The following CIB1 variants were observed in gnomAD, a reference collection of about 807,000 sequenced individuals.
CIB1 encodes calcium and integrin binding 1.
Under a neutral mutation model 25.0 loss-of-function variants are expected in CIB1, and 19 were observed. The observed-to-expected ratio is 0.76, with a 90% confidence interval of 0.53 to 1.12. The LOEUF (loss-of-function observed/expected upper bound fraction) is 1.12, where lower values mean the gene tolerates loss of function less well. CIB1 is among the 50% of genes most tolerant of loss of function. The probability of loss-of-function intolerance (pLI) is 0.00; values close to 1 mark genes in which losing one functional copy is unlikely to be tolerated. For missense variants in CIB1, 236 were observed against 242.6 expected (o/e 0.97, Z 0.18); for synonymous variants, 104 against 98.5 (o/e 1.06, Z -0.33).
the CIB1 span, among the ~76,000 whole-genome samples, chr15:90,248,718 CAAA>C: frequency 3.6e-5 from 1 of 27,788 alleles, no homozygotes; most frequent in Non-Finnish European, 6.7e-5. Flanking sequence ...GACCCTGTCT[CAAA>C]AAAAAAAAAA....
At chr15:90,247,674 G>A in the CIB1 span, among the ~76,000 whole-genome samples, 2 of 151,326 alleles carry the variant, frequency 1.3e-5, no homozygotes, top group Non-Finnish European at 2.9e-5. Flanking sequence ...TGCTGTGGCT[G>A]AACCGGGAAA....
the CIB1 span, among the ~76,000 whole-genome samples, chr15:90,253,962 C>T: frequency 6.6e-6 from 1 of 152,188 alleles, no homozygotes; most frequent in Admixed American, 6.5e-5. Context: ...TGTCCCACAA[C>T]TAGTCTTGGG....
At chr15:90,257,020 A>G in the CIB1 span, 1 of 1,002,098 alleles carries the variant, frequency 1.0e-6, no homozygotes, top group East Asian at 2.7e-5. Context: ...AATAACAGTA[A>G]CTATTTTACA....
the CIB1 span, chr15:90,257,967 G>A: frequency 6.9e-7 from 1 of 1,444,300 alleles, no homozygotes; most frequent in African/African-American, 1.4e-5. Flanking sequence ...GTTAGTGTGA[G>A]GGAGCCTCCT....
the CIB1 span, among the ~76,000 whole-genome samples, chr15:90,254,321 C>A: frequency 6.6e-6 from 1 of 151,734 alleles, no homozygotes; most frequent in African/African-American, 2.4e-5. Context: ...GGTAAAACCC[C>A]ATCTCTACTA....
chr15:90,248,637 C>G, the CIB1 span, among the ~76,000 whole-genome samples: 4 of 139,378 alleles, frequency 2.9e-5, no homozygotes, highest in Non-Finnish European at 4.5e-5. Flanking sequence ...ATTGCTTGAG[C>G]CTGGGAAGCT....
chr15:90,230,351 G>T lies in CIB1; in HGVS notation c.*133C>A. ...GACAACGAGGGCCGCCCCTGCCCGG[G>T]GTGAGGCTGCACAGCGCCAGCTCCA... On this transcript the variant is annotated 3_prime_UTR_variant, in exon 7 of 7. Coordinates refer to ENST00000328649, the MANE Select transcript of CIB1 (RefSeq NM_006384.4). The T allele has an allele frequency of 9.6e-7, 1 of 1,039,452 alleles. No individual in the cohort carries two copies. Among genetic ancestry groups the T allele is most frequent in the Non-Finnish European group, 1.4e-6 (1 of 695,876 alleles). 64.4% of individuals were successfully genotyped at this position (1,039,452 alleles called of 1,614,324 possible). A position where few individuals can be genotyped will look rare whatever the true frequency, so the allele number is the denominator to read the frequency against.
upstream of CIB1, chr15:90,234,330 T>C (rs1423532212): frequency 6.3e-6 from 1 of 157,658 alleles, no homozygotes; most frequent in Non-Finnish European, 1.4e-5. Context: ...TGGGGTCCCA[T>C]AGGGGCATCT....
chr15:90,250,083 G>A, the CIB1 span, among the ~76,000 whole-genome samples: 1 of 151,598 alleles, frequency 6.6e-6, no homozygotes, highest in Non-Finnish European at 1.5e-5. Context: ...TCAGCCTCCC[G>A]AGTAGCTGGG....
At chr15:90,236,485 A>G (rs1962639353), upstream of CIB1, among the ~76,000 whole-genome samples, 1 of 152,136 alleles carries the variant, frequency 6.6e-6, no homozygotes, top group Non-Finnish European at 1.5e-5. Context: ...CATTTTGTAC[A>G]CTGACCAGCC....
chr15:90,240,179 C>G, the CIB1 span, among the ~76,000 whole-genome samples: 8 of 151,256 alleles, frequency 5.3e-5, no homozygotes, highest in Non-Finnish European at 8.8e-5. Context: ...GCCAAGATAG[C>G]GCCATTGCAC....
the CIB1 span, among the ~76,000 whole-genome samples, chr15:90,259,402 A>C: frequency 1.1e-4 from 17 of 152,016 alleles, no homozygotes; most frequent in Admixed American, 9.8e-4. Flanking sequence ...AAAAAAAAAA[A>C]GTCATATATC....
chr15:90,255,971 T>A, the CIB1 span: 53 of 1,595,878 alleles, frequency 3.3e-5, no homozygotes, highest in East Asian at 1.1e-3. Flanking sequence ...CCTAGGAATG[T>A]CTCAGAGGGA....
chr15:90,251,788 T>A, the CIB1 span, among the ~76,000 whole-genome samples: 1 of 148,208 alleles, frequency 6.7e-6, no homozygotes, highest in East Asian at 2.0e-4. Context: ...TTCCAGGTAG[T>A]CTCAGTGTTA....
chr15:90,232,317 G>A lies in CIB1; in HGVS notation c.97C>T (p.Arg33Trp), dbSNP rs778053172. The change falls in exon 3 of 7, where the codon CGG becomes TGG. Residue 33 changes from arginine (R) to tryptophan (W), a missense_variant. Arg to Trp is a moderately radical substitution (Grantham distance 101, BLOSUM62 -3). Coordinates refer to ENST00000328649, the MANE Select transcript of CIB1 (RefSeq NM_006384.4). The stretch of plus-strand genomic sequence containing the variant: ...TCCTGGGGAAGCAGCTCACAAAACC[G>A]CCTGTGGGCTCTGGTAGAGAGAGGG... ...TKQEILLAHR[R>W]FCELLPQEQR... 22 of 1,607,980 alleles carry A rather than the reference G, an allele frequency of 1.4e-5. No individual in the cohort carries two copies. The highest frequency in any genetic ancestry group is 1.3e-4 in the East Asian group (6 of 44,594).
the CIB1 span, chr15:90,262,640 G>A: frequency 2.0e-6 from 3 of 1,504,868 alleles, no homozygotes. Context: ...CACCCACTTG[G>A]CTTACAGGAA....
chr15:90,256,551 TTCTTTCTTTCTTTCTTTC>T, the CIB1 span, among the ~76,000 whole-genome samples: 1 of 25,206 alleles, frequency 4.0e-5, no homozygotes, highest in African/African-American at 1.7e-4. Context: ...TCCTTTTTCT[TTCTTTCTTTCTTTCTTTC>T]TTTCTTTCTT....
At chr15:90,257,561 GCAA>G in the CIB1 span, 1 of 1,363,448 alleles carries the variant, frequency 7.3e-7, no homozygotes, top group Non-Finnish European at 1.0e-6. Context: ...GGGGTGGGGA[GCAA>G]CAAGGTAATG....
At chr15:90,265,134 T>C in the CIB1 span, 4 of 1,216,286 alleles carry the variant, frequency 3.3e-6, no homozygotes, top group Non-Finnish European at 4.4e-6. Context: ...AATTCCTCAA[T>C]ACCCTAAGAT....
Sources: gnomAD v4.1 joint callset for allele counts (sites outside exome capture counted in the v4.1 genomes callset) on GRCh38, gnomAD v4.1.1 for gene constraint, MANE v1.5 for transcripts, NCBI Gene and HGNC (gene_info 2026-07-23, HGNC 2026-07-21) for gene names.